Variants in DNM3 observed in about 807,000 individuals in gnomAD.
DNM3 encodes the protein dynamin 3, also known as dynamin-3.
In DNM3, 47 loss-of-function variants were observed where a neutral mutation model predicts 101.6. The ratio of observed to expected loss-of-function variants is 0.46; its 90% CI spans 0.37 to 0.59. The LOEUF is 0.59. Among genes scored for constraint, DNM3 ranks in the 20% least tolerant of loss-of-function variants. The pLI is 0.00. For missense variants in DNM3, 849 were observed against 1,085.7 expected (o/e 0.78, Z 3.06); for synonymous variants, 385 against 387.9 (o/e 0.99, Z 0.09).
chr1:171,843,281 A>G (rs2031554656), intron 1 of DNM3, among the ~76,000 whole-genome samples: 1 of 151,840 alleles, frequency 6.6e-6, no homozygotes, highest in African/African-American at 2.4e-5. Flanking sequence ...TCATTTTTAT[A>G]TTTTTTTTGA....
At chr1:172,011,096 A>G (rs1162108734) in intron 4 of DNM3, among the ~76,000 whole-genome samples, 1 of 151,798 alleles carries the variant, frequency 6.6e-6, no homozygotes, top group Non-Finnish European at 1.5e-5. Flanking sequence ...ATATTTTTTG[A>G]TGTTCATTTT....
chr1:171,847,886 CTCTCTCTCTCTGTGTGTGTG>C (rs2032380462), intron 1 of DNM3, among the ~76,000 whole-genome samples: 3 of 50,910 alleles, frequency 5.9e-5, no homozygotes, highest in South Asian at 1.2e-3. Flanking sequence ...ATTACTCTCT[CTCTCTCTCTCTGTGTGTGTG>C]TGTGTGTGTG....
chr1:172,321,676 G>C (rs551580191), intron 16 of DNM3, among the ~76,000 whole-genome samples: 2 of 152,242 alleles, frequency 1.3e-5, no homozygotes, highest in East Asian at 1.9e-4. Flanking sequence ...ATCTGCCATC[G>C]AGTGGGGAAG....
At chr1:172,307,000 C>T (rs2064850984) in intron 15 of DNM3, among the ~76,000 whole-genome samples, 1 of 152,026 alleles carries the variant, frequency 6.6e-6, no homozygotes, top group African/African-American at 2.4e-5. Context: ...CCAAAAGCAA[C>T]CACAACAAAA....
intron 14 of DNM3, among the ~76,000 whole-genome samples, chr1:172,146,519 CA>C (rs1237670131): frequency 5.9e-5 from 9 of 152,228 alleles, no homozygotes; most frequent in African/African-American, 1.9e-4. Context: ...AGGACCTATT[CA>C]ATAGTGCTTG....
At chr1:172,313,304 A>G (rs1474857001) in intron 16 of DNM3, among the ~76,000 whole-genome samples, 1 of 152,196 alleles carries the variant, frequency 6.6e-6, no homozygotes, top group Non-Finnish European at 1.5e-5. Flanking sequence ...GTGCGTATGT[A>G]TCAGTGGTAA....
intron 6 of DNM3, among the ~76,000 whole-genome samples, chr1:172,034,471 T>A (rs1402830785): frequency 6.6e-6 from 1 of 151,946 alleles, no homozygotes; most frequent in East Asian, 1.9e-4. Context: ...ATTAGAAAGA[T>A]AAAGCTGGAA....
intron 14 of DNM3, among the ~76,000 whole-genome samples, chr1:172,168,240 T>A (rs1376429876): frequency 8.9e-6 from 1 of 112,040 alleles, no homozygotes; most frequent in East Asian, 2.1e-4. Context: ...TCATTAAATA[T>A]GGTCTCCCTT....
intron 4 of DNM3, among the ~76,000 whole-genome samples, chr1:172,019,536 G>A (rs907338121): frequency 1.3e-5 from 2 of 151,428 alleles, no homozygotes; most frequent in Non-Finnish European, 2.9e-5. Flanking sequence ...TAATTTGGGG[G>A]GAATTCTCAG....
chr1:172,217,420 T>C (rs932418424), intron 14 of DNM3, among the ~76,000 whole-genome samples: 3 of 152,182 alleles, frequency 2.0e-5, no homozygotes, highest in African/African-American at 7.2e-5. Context: ...CTCAGAGATA[T>C]TTAAAATCTC....
chr1:172,347,546 T>C (rs1018396174), intron 17 of DNM3, among the ~76,000 whole-genome samples: 6 of 152,118 alleles, frequency 3.9e-5, no homozygotes, highest in Non-Finnish European at 8.8e-5. Flanking sequence ...CAATTAAAAG[T>C]GTCAAGGAAT....
In DNM3 at chr1:172,088,427, A is replaced by G. The variant is rs2053680928; in HGVS notation, c.1494-4397A>G. ...GCATTTCAGGGAACTAATTTGTACT[A>G]AAACATTGCCTTGATCATGTCACTT... On this transcript the variant is annotated intron_variant, in intron 12 of 20. Transcript: ENST00000627582. 3.3e-5 allele frequency among the ~76,000 whole-genome samples: 5 copies of G among 152,108 alleles called. No individual in the cohort carries two copies. The South Asian group carries it at 6.2e-4, about 19-fold the overall frequency.
At chr1:172,020,281 A>C (rs2047743507) in intron 4 of DNM3, among the ~76,000 whole-genome samples, 1 of 152,062 alleles carries the variant, frequency 6.6e-6, no homozygotes, top group Non-Finnish European at 1.5e-5. Context: ...AGTGGACTAG[A>C]GTTGTGTATT....
intron 16 of DNM3, chr1:172,310,457 G>C (rs1029015085): frequency 6.6e-6 from 1 of 152,206 alleles, no homozygotes; most frequent in African/African-American, 2.4e-5. Context: ...ATTTAAGATA[G>C]TGATAAGTTC....
At chr1:172,119,640 C>T (rs1383222726) in intron 13 of DNM3, among the ~76,000 whole-genome samples, 1 of 152,090 alleles carries the variant, frequency 6.6e-6, no homozygotes, top group Non-Finnish European at 1.5e-5. Context: ...TTTATTTACA[C>T]CTGCAAACAA....
At chr1:172,377,553 C>CATATATTTATAT (rs2068667456) in intron 17 of DNM3, among the ~76,000 whole-genome samples, 1 of 123,436 alleles carries the variant, frequency 8.1e-6, no homozygotes, top group African/African-American at 3.6e-5. Context: ...TGATATATAT[C>CATATATTTATAT]ATATATATAT....
chr1:171,982,321 C>T (rs1263824368), intron 2 of DNM3, among the ~76,000 whole-genome samples: 1 of 152,138 alleles, frequency 6.6e-6, no homozygotes, highest in African/African-American at 2.4e-5. Context: ...GCTAGAATTT[C>T]CTTCATCCCC....
intron 1 of DNM3, among the ~76,000 whole-genome samples, chr1:171,848,287 G>C (rs1470848794): frequency 6.6e-6 from 1 of 152,064 alleles, no homozygotes; most frequent in African/African-American, 2.4e-5. Flanking sequence ...TAGTTGACCA[G>C]CAGTGACATT....
At chr1:172,389,058 A>G in intron 20 of DNM3, 1 of 520,378 alleles carries the variant, frequency 1.9e-6, no homozygotes, top group East Asian at 3.2e-5. Flanking sequence ...ACTCCGTCCC[A>G]ATGAATGACA....
Sources: gnomAD v4.1 joint callset for allele counts (sites outside exome capture counted in the v4.1 genomes callset) on GRCh38, gnomAD v4.1.1 for gene constraint, MANE v1.5 for transcripts, NCBI Gene and HGNC (gene_info 2026-07-23, HGNC 2026-07-21) for gene names.